PDE11A: variants seen among roughly 807,000 people sequenced by gnomAD.
PDE11A encodes the protein phosphodiesterase 11A.
A neutral mutation model predicts 100.5 loss-of-function variants in PDE11A; 100 were observed. That is an observed-to-expected ratio of 1.00 (90% CI 0.85 to 1.18). PDE11A has a LOEUF of 1.18. PDE11A is among the 50% of genes most tolerant of loss of function. PDE11A has a pLI of 0.00. For synonymous variants in PDE11A, 381 were observed against 420.8 expected, an observed-to-expected ratio of 0.91 and a Z score of 1.16; for missense variants, 1,141 against 1,152.6, an observed-to-expected ratio of 0.99 and a Z score of 0.15.
chr2:177,869,527 G>C (rs1451865663), intron 5 of PDE11A, among the ~76,000 whole-genome samples: 2 of 152,106 alleles, frequency 1.3e-5, no homozygotes, highest in Non-Finnish European at 2.9e-5. Context: ...TCCTCAACTG[G>C]GAGAAGGCTC....
intron 2 of PDE11A, among the ~76,000 whole-genome samples, chr2:177,966,923 A>G (rs892694013): frequency 1.3e-5 from 2 of 152,106 alleles, no homozygotes; most frequent in African/African-American, 4.8e-5. Context: ...GTTTCATAGA[A>G]TTGGTGACAG....
At chr2:177,891,222 G>A (rs2084523867) in intron 4 of PDE11A, among the ~76,000 whole-genome samples, 1 of 152,052 alleles carries the variant, frequency 6.6e-6, no homozygotes, top group South Asian at 2.1e-4. Context: ...CCCGGGAGGC[G>A]GAGGTTGCAG....
chr2:178,059,510 C>A (rs1027727552), intron 1 of PDE11A, among the ~76,000 whole-genome samples: 1 of 152,200 alleles, frequency 6.6e-6, no homozygotes, highest in Non-Finnish European at 1.5e-5. Context: ...GGGAGATTGA[C>A]TTCCCTGTCC....
chr2:177,672,343 G>A (rs1473168032), intron 17 of PDE11A, among the ~76,000 whole-genome samples: 1 of 152,214 alleles, frequency 6.6e-6, no homozygotes, highest in Non-Finnish European at 1.5e-5. Context: ...GACAGTGTGA[G>A]CAAGAAATAA....
At chr2:177,929,414 T>C (rs1226341999) in intron 2 of PDE11A, among the ~76,000 whole-genome samples, 1 of 152,234 alleles carries the variant, frequency 6.6e-6, no homozygotes, top group Non-Finnish European at 1.5e-5. Context: ...ATTTAGTAAC[T>C]GCATGAATCC....
At chr2:177,982,710 A>C (rs1251605593) in intron 2 of PDE11A, among the ~76,000 whole-genome samples, 2 of 150,790 alleles carry the variant, frequency 1.3e-5, no homozygotes, top group African/African-American at 4.8e-5. Context: ...TGCCTTCTAA[A>C]AACTGCTAGC....
At chr2:177,864,875 A>T (rs2084001854) in intron 5 of PDE11A, among the ~76,000 whole-genome samples, 1 of 152,218 alleles carries the variant, frequency 6.6e-6, no homozygotes, top group African/African-American at 2.4e-5. Flanking sequence ...CTTAAAAGTA[A>T]TCATACGGGT....
chr2:177,997,646 T>C, intron 2 of PDE11A: 1 of 1,480,472 alleles, frequency 6.8e-7, no homozygotes. Context: ...TATTGCAGCC[T>C]GATTTTGAAA....
chr2:177,847,735 T>C (rs1006302875), intron 5 of PDE11A, among the ~76,000 whole-genome samples: 1 of 152,192 alleles, frequency 6.6e-6, no homozygotes, highest in Non-Finnish European at 1.5e-5. Flanking sequence ...AAGAATACTG[T>C]CTGCCAAGCT....
At chr2:177,650,832 G>T (rs1192127687) in intron 19 of PDE11A, among the ~76,000 whole-genome samples, 1 of 152,110 alleles carries the variant, frequency 6.6e-6, no homozygotes, top group Non-Finnish European at 1.5e-5. Flanking sequence ...CAGATGGTCT[G>T]CAGGTATGCA....
intron 6 of PDE11A, 48 bp downstream of exon 6, chr2:177,840,203 A>G: frequency 1.3e-6 from 2 of 1,596,918 alleles, no homozygotes; most frequent in South Asian, 1.1e-5. Context: ...TGTTTTCAAC[A>G]GTGCGACAAC....
chr2:177,732,488 T>C (rs969025770), intron 10 of PDE11A, among the ~76,000 whole-genome samples: 2 of 152,178 alleles, frequency 1.3e-5, no homozygotes, highest in African/African-American at 4.8e-5. Context: ...TGTTACAGTT[T>C]GTTACCAAAG....
At chr2:177,724,660 G>T (rs1363265097) in intron 12 of PDE11A, among the ~76,000 whole-genome samples, 1 of 152,086 alleles carries the variant, frequency 6.6e-6, no homozygotes, top group East Asian at 1.9e-4. Flanking sequence ...CATAAAACAG[G>T]CCCATCCTGA....
chr2:178,026,462 A>G (rs1574350726), intron 1 of PDE11A, among the ~76,000 whole-genome samples: 1 of 152,060 alleles, frequency 6.6e-6, no homozygotes, highest in African/African-American at 2.4e-5. Flanking sequence ...AGGAGTCAAG[A>G]CCAGCCTGGC....
intron 2 of PDE11A, among the ~76,000 whole-genome samples, chr2:177,999,653 G>T (rs2086119513): frequency 6.6e-6 from 1 of 152,134 alleles, no homozygotes; most frequent in Non-Finnish European, 1.5e-5. Context: ...ATTTCCCACA[G>T]CCACTTATTA....
At chr2:177,853,277 T>A (rs1313622773) in intron 5 of PDE11A, among the ~76,000 whole-genome samples, 2 of 151,982 alleles carry the variant, frequency 1.3e-5, no homozygotes, top group Non-Finnish European at 2.9e-5. Flanking sequence ...GTTTGGAGGA[T>A]AAAATAATAG....
Position 177,957,080 on chromosome 2 carries a change from C to CA in PDE11A, c.1072-51894dup, listed in dbSNP as rs1209596025. ...AATAAAATAAAAAAAAAGAAAAGAG[C>CA]AAAAAAACAAAAAAAAACAAACAAG... On this transcript the variant is annotated intron_variant, in intron 2 of 19. Coordinates refer to ENST00000286063, the MANE Select transcript of PDE11A (RefSeq NM_016953.4). Among the ~76,000 whole-genome samples the CA allele has an allele frequency of 8.0e-5, 12 of 149,888 alleles. No individual in the cohort carries two copies. In the East Asian group the frequency reaches 1.8e-3, roughly 22 times the overall value.
intron 19 of PDE11A, among the ~76,000 whole-genome samples, chr2:177,641,502 G>T (rs73977687): frequency 6.6e-6 from 1 of 151,422 alleles, no homozygotes; most frequent in East Asian, 1.9e-4. Flanking sequence ...CTATATGTGA[G>T]AGCAGATGGA....
Position 177,941,406 on chromosome 2 carries a change from G to A in PDE11A, c.1072-36219C>T, listed in dbSNP as rs1353160169. 3.3e-5 allele frequency among the ~76,000 whole-genome samples: 5 copies of A among 151,960 alleles called. No homozygotes were observed. In the South Asian group the frequency reaches 6.2e-4, roughly 19 times the overall value. ...CATCTTTTCCACCTATCCTTTTCCT[G>A]ATGCAAGTGTTTGTATAGCAGCATG... On this transcript the variant is annotated intron_variant, in intron 2 of 19. Coordinates refer to ENST00000286063, the MANE Select transcript of PDE11A (RefSeq NM_016953.4).
Sources: allele counts gnomAD v4.1 joint callset (sites outside exome capture counted in the v4.1 genomes callset), GRCh38; gene constraint gnomAD v4.1.1; transcripts MANE v1.5; gene names NCBI Gene and HGNC (gene_info 2026-07-23, HGNC 2026-07-21).